The following NIM1K variants were observed in gnomAD, a reference collection of about 807,000 sequenced individuals.
The protein encoded by NIM1K is serine/threonine-protein kinase NIM1.
A neutral mutation model predicts 37.1 loss-of-function variants in NIM1K; 35 were observed. The observed-to-expected ratio is 0.94, with a 90% CI of 0.72 to 1.25. NIM1K has a LOEUF of 1.25. NIM1K is among the 50% of genes most tolerant of loss of function. The probability of loss-of-function intolerance (pLI) is 0.00; values close to 1 mark genes in which losing one functional copy is unlikely to be tolerated. For missense variants in NIM1K, 564 were observed against 548.0 expected (o/e 1.03, Z -0.29); for synonymous variants, 234 against 206.6 (o/e 1.13, Z -1.14).
Position 43,218,724 on chromosome 5 carries a change from CTT to C in NIM1K, c.-695+26326_-695+26327del, listed in dbSNP as rs70994612. Among the ~76,000 whole-genome samples, 2,249 of 141,094 alleles carry C rather than the reference CTT, an allele frequency of 0.016. 92 individuals carry two copies. The East Asian group carries it at 0.16, about 10-fold the overall frequency. The allele number at this position is 141,094 out of a possible 152,430, so 92.6% of individuals were successfully genotyped here. A position where few individuals can be genotyped will look rare whatever the true frequency, so the allele number is the denominator to read the frequency against. Reference sequence around the variant, plus strand: ...TTGAGGATCAAATTTTTCTTCTTTTCTTTTTTTTTTTTTTGTGAGTCTCATTC... The same window carrying C: ...TTGAGGATCAAATTTTTCTTCTTTTCTTTTTTTTTTTTGTGAGTCTCATTC... On this transcript the variant is annotated intron_variant, in intron 1 of 3. Transcript: ENST00000326035.
chr5:43,206,499 CAAAAAAAAA>C (rs11286972), intron 1 of NIM1K, among the ~76,000 whole-genome samples: 1 of 83,444 alleles, frequency 1.2e-5, no homozygotes, highest in Non-Finnish European at 2.2e-5. Context: ...GACCCTGCCT[CAAAAAAAAA>C]AAAAAAAAAA....
intron 2 of NIM1K, 95 bp from the exon 3 acceptor site, chr5:43,276,962 C>T (rs1579616236): frequency 1.6e-6 from 2 of 1,263,354 alleles, no homozygotes; most frequent in East Asian, 4.6e-5. Flanking sequence ...CAGCCACTCT[C>T]TGTCTAGTAA....
At chr5:43,243,450 T>G (rs7711602) in intron 1 of NIM1K, among the ~76,000 whole-genome samples, 2,707 of 141,192 alleles carry the variant, frequency 0.019, 81 homozygotes, top group African/African-American at 0.067. Flanking sequence ...TGGGTGAGGG[T>G]TTTTTTTTTT....
At chr5:43,195,321 GA>G in intron 1 of NIM1K, among the ~76,000 whole-genome samples, 1 of 152,248 alleles carries the variant, frequency 6.6e-6, no homozygotes, top group Non-Finnish European at 1.5e-5. Flanking sequence ...ACAGCATCCT[GA>G]GGAATATTAA....
chr5:43,232,025 T>C (rs1375947517), intron 1 of NIM1K: 9 of 1,021,752 alleles, frequency 8.8e-6, no homozygotes, highest in Non-Finnish European at 1.3e-5. Flanking sequence ...GCAATGGCTG[T>C]GGTATTGCTC....
chr5:43,246,035 AAGTGAAGCTTGGG>A lies in NIM1K; in HGVS notation c.262_274del (p.Val88PhefsTer4), dbSNP rs1199979290. 6.2e-7 allele frequency: 1 copy of A among 1,613,590 alleles called. No homozygotes were observed. The highest frequency in any genetic ancestry group is 1.3e-5 in the African/African-American group (1 of 74,930). ...GAAATCGGAAGTGGAAACTTCTCCC[AAGTGAAGCTTGGG>A]ATTCACTCCCTAACCAAAGGTAGGA... On this transcript the variant is annotated frameshift_variant, in exon 2 of 4. Coordinates refer to ENST00000326035, the MANE Select transcript of NIM1K (RefSeq NM_153361.4). LOFTEE classifies it high-confidence loss of function.
At chr5:43,203,508 C>T (rs1752064469) in intron 1 of NIM1K, among the ~76,000 whole-genome samples, 1 of 152,174 alleles carries the variant, frequency 6.6e-6, no homozygotes, top group African/African-American at 2.4e-5. Context: ...TTTTCTTTTT[C>T]TGTCCATAAA....
intron 3 of NIM1K, among the ~76,000 whole-genome samples, chr5:43,278,445 G>C (rs984720282): frequency 6.6e-5 from 10 of 152,178 alleles, no homozygotes; most frequent in African/African-American, 2.4e-4. Context: ...CTGTTTTGCT[G>C]CCTCCTTAAT....
chr5:43,201,309 T>C (rs1232207648), intron 1 of NIM1K, among the ~76,000 whole-genome samples: 1 of 151,092 alleles, frequency 6.6e-6, no homozygotes, highest in African/African-American at 2.4e-5. Flanking sequence ...CTGGGGAGGC[T>C]GAGGCAGGAG....
intron 1 of NIM1K, among the ~76,000 whole-genome samples, chr5:43,231,146 C>A (rs1272010868): frequency 6.6e-6 from 1 of 151,984 alleles, no homozygotes; most frequent in Admixed American, 6.6e-5. Context: ...AGTGAGACAC[C>A]ATCTCTACAA....
chr5:43,270,154 T>A (rs1753233456), intron 2 of NIM1K, among the ~76,000 whole-genome samples: 1 of 152,242 alleles, frequency 6.6e-6, no homozygotes, highest in South Asian at 2.1e-4. Flanking sequence ...ACACTTATTC[T>A]GTTTAAGGAG....
chr5:43,261,922 C>A (rs1038044823), intron 2 of NIM1K, among the ~76,000 whole-genome samples: 1 of 152,032 alleles, frequency 6.6e-6, no homozygotes, highest in African/African-American at 2.4e-5. Context: ...TGGTTGTAGA[C>A]GTGTGGTATT....
chr5:43,209,395 G>A (rs955976943), intron 1 of NIM1K, among the ~76,000 whole-genome samples: 1 of 152,180 alleles, frequency 6.6e-6, no homozygotes, highest in African/African-American at 2.4e-5. Flanking sequence ...TGGTTTAGGG[G>A]CACATTGAAC....
intron 2 of NIM1K, among the ~76,000 whole-genome samples, chr5:43,269,314 AAAAAAG>A (rs1229767979): frequency 2.7e-5 from 4 of 149,288 alleles, no homozygotes; most frequent in Admixed American, 6.6e-5. Context: ...ATCTCAAAAA[AAAAAAG>A]AAAAAAAAAA....
At chr5:43,218,757 C>T (rs1485723051) in intron 1 of NIM1K, among the ~76,000 whole-genome samples, 3 of 146,214 alleles carry the variant, frequency 2.1e-5, no homozygotes, top group South Asian at 2.1e-4. Context: ...CATTCTGTCT[C>T]CCAGGCCCCA....
At chr5:43,213,931 T>C (rs1331373918) in intron 1 of NIM1K, among the ~76,000 whole-genome samples, 9 of 29,228 alleles carry the variant, frequency 3.1e-4, no homozygotes, top group African/African-American at 8.0e-4. Flanking sequence ...GCCTAGCTCT[T>C]TCTCTCTTTC....
At chr5:43,229,987 T>C (rs1752515052) in intron 1 of NIM1K, among the ~76,000 whole-genome samples, 1 of 152,074 alleles carries the variant, frequency 6.6e-6, no homozygotes, top group African/African-American at 2.4e-5. Context: ...TTGAAATATC[T>C]CTACCTTTAC....
chr5:43,222,823 G>C (rs1212603333), intron 1 of NIM1K, among the ~76,000 whole-genome samples: 1 of 152,028 alleles, frequency 6.6e-6, no homozygotes, highest in Non-Finnish European at 1.5e-5. Flanking sequence ...CTTATACCAA[G>C]TATTAAATCC....
intron 2 of NIM1K, among the ~76,000 whole-genome samples, chr5:43,246,927 A>G (rs1561086081): frequency 6.6e-6 from 1 of 152,160 alleles, no homozygotes; most frequent in African/African-American, 2.4e-5. Flanking sequence ...TAATTTACTC[A>G]GTCCTAAAAC....
Sources: allele counts gnomAD v4.1 joint callset (sites outside exome capture counted in the v4.1 genomes callset), GRCh38; gene constraint gnomAD v4.1.1; transcripts MANE v1.5; gene names NCBI Gene and HGNC (gene_info 2026-07-23, HGNC 2026-07-21).